HS3ST4: variants seen among roughly 807,000 people sequenced by gnomAD.
HS3ST4 encodes heparan sulfate glucosamine 3-O-sulfotransferase 4.
A neutral mutation model predicts 29.2 loss-of-function variants in HS3ST4; 17 were observed. That is an observed-to-expected ratio of 0.58 (90% CI 0.40 to 0.87). The LOEUF (loss-of-function observed/expected upper bound fraction) is 0.87, where lower values mean the gene tolerates loss of function less well. Among genes scored for constraint, HS3ST4 ranks in the 40% least tolerant of loss-of-function variants. The probability of loss-of-function intolerance (pLI) is 0.00; values close to 1 mark genes in which losing one functional copy is unlikely to be tolerated. For missense variants in HS3ST4, 627 were observed against 634.5 expected (o/e 0.99, Z 0.13); for synonymous variants, 314 against 285.7 (o/e 1.10, Z -1.00).
chr16:25,701,833 G>A (rs1020729367), intron 1 of HS3ST4, among the ~76,000 whole-genome samples: 28 of 152,128 alleles, frequency 1.8e-4, no homozygotes, highest in Non-Finnish European at 3.4e-4. Context: ...TGACAGAATG[G>A]GATTTATTCT....
At chr16:25,840,346 G>T (rs906399299) in intron 1 of HS3ST4, among the ~76,000 whole-genome samples, 1 of 152,296 alleles carries the variant, frequency 6.6e-6, no homozygotes, top group Admixed American at 6.5e-5. Flanking sequence ...ATTTTGAGAC[G>T]CAACTACTAC....
At chr16:26,080,986 A>G (rs1329911458) in intron 1 of HS3ST4, among the ~76,000 whole-genome samples, 1 of 152,154 alleles carries the variant, frequency 6.6e-6, no homozygotes, top group Non-Finnish European at 1.5e-5. Flanking sequence ...AGCCTTACTG[A>G]GTCAAAATCT....
At chr16:25,724,112 C>CA (rs56115380) in intron 1 of HS3ST4, among the ~76,000 whole-genome samples, 2,322 of 77,076 alleles carry the variant, frequency 0.03, 92 homozygotes, top group African/African-American at 0.09. Context: ...GACTCCATCT[C>CA]AAAAAAAAAA....
chr16:26,101,214 A>G (rs937294706), intron 1 of HS3ST4, among the ~76,000 whole-genome samples: 13 of 144,784 alleles, frequency 9.0e-5, no homozygotes, highest in South Asian at 2.3e-4. Context: ...TCCATCTCCA[A>G]TCCATTTCAC....
chr16:25,761,280 G>T (rs1416485778), intron 1 of HS3ST4, among the ~76,000 whole-genome samples: 3 of 152,180 alleles, frequency 2.0e-5, no homozygotes, highest in Non-Finnish European at 2.9e-5. Flanking sequence ...TGCTCAATAG[G>T]ACATTCTGTG....
rs1436569155 is a variant in HS3ST4, at chr16:26,135,602, C to A, written c.735-10C>A. On this transcript the variant is annotated splice_polypyrimidine_tract_variant and intron_variant, in intron 1 of 1. Coordinates refer to ENST00000331351, the MANE Select transcript of HS3ST4 (RefSeq NM_006040.3). ...ATAACCATTCTCTTCCTTTTTCCTC[C>A]CTCTCCTAGAAATGTGATGCCCAAG... is the stretch of plus-strand genomic sequence containing the variant. 1.3e-6 allele frequency: 2 copies of A among 1,563,844 alleles called. No individual in the cohort carries two copies. Among genetic ancestry groups the A allele is most frequent in the African/African-American group, 2.8e-5 (2 of 72,710 alleles).
intron 1 of HS3ST4, among the ~76,000 whole-genome samples, chr16:26,018,712 G>C (rs1969383488): frequency 6.6e-6 from 1 of 152,010 alleles, no homozygotes; most frequent in Admixed American, 6.6e-5. Context: ...GATCCTGGAG[G>C]CAAATTGGGT....
chr16:26,047,716 C>A (rs1434289316), intron 1 of HS3ST4, among the ~76,000 whole-genome samples: 1 of 152,122 alleles, frequency 6.6e-6, no homozygotes, highest in Non-Finnish European at 1.5e-5. Flanking sequence ...ATTTTAATTC[C>A]TTGTACTTAA....
chr16:25,976,452 C>T (rs116962390), intron 1 of HS3ST4, among the ~76,000 whole-genome samples: 5,690 of 152,268 alleles, frequency 0.037, 133 homozygotes, highest in Middle Eastern at 0.085. Flanking sequence ...ACTACAGATG[C>T]GTACCACCAT....
At chr16:25,846,327 T>C (rs541608346) in intron 1 of HS3ST4, among the ~76,000 whole-genome samples, 40 of 152,308 alleles carry the variant, frequency 2.6e-4, no homozygotes, top group African/African-American at 9.4e-4. Context: ...ATTTGTTAAA[T>C]TGTGTTTTGT....
chr16:25,979,455 T>G (rs1968980528), intron 1 of HS3ST4, among the ~76,000 whole-genome samples: 1 of 152,140 alleles, frequency 6.6e-6, no homozygotes, highest in East Asian at 1.9e-4. Flanking sequence ...AGCAGAGGCA[T>G]TAGATTCTCA....
intron 1 of HS3ST4, among the ~76,000 whole-genome samples, chr16:26,064,728 C>T (rs1202439117): frequency 6.7e-6 from 1 of 150,190 alleles, no homozygotes; most frequent in East Asian, 2.0e-4. Context: ...AGTGATTCTC[C>T]TGCCTCAGCC....
intron 1 of HS3ST4, among the ~76,000 whole-genome samples, chr16:25,707,421 G>C (rs750305287): frequency 6.6e-6 from 1 of 152,074 alleles, no homozygotes; most frequent in Non-Finnish European, 1.5e-5. Flanking sequence ...AGCTATGTAT[G>C]TATAGGAAAT....
chr16:25,831,521 A>T (rs534481552), intron 1 of HS3ST4, among the ~76,000 whole-genome samples: 2 of 151,912 alleles, frequency 1.3e-5, no homozygotes, highest in Middle Eastern at 6.8e-3. Context: ...AGCCCTGGAG[A>T]TTGAGGCTGC....
chr16:26,053,459 A>G (rs1295929825), intron 1 of HS3ST4, among the ~76,000 whole-genome samples: 1 of 152,248 alleles, frequency 6.6e-6, no homozygotes, highest in Non-Finnish European at 1.5e-5. Context: ...AGCAGTTCCT[A>G]TGATGATGTG....
intron 1 of HS3ST4, among the ~76,000 whole-genome samples, chr16:26,115,660 A>G (rs1482192903): frequency 6.6e-5 from 10 of 152,138 alleles, no homozygotes; most frequent in Admixed American, 6.5e-4. Context: ...CTGAGAAGAT[A>G]CCCAGAGAGG....
intron 1 of HS3ST4, among the ~76,000 whole-genome samples, chr16:25,742,749 A>G (rs1465418799): frequency 6.6e-6 from 1 of 152,188 alleles, no homozygotes; most frequent in African/African-American, 2.4e-5. Context: ...TGCATGGTTC[A>G]TGGGTTGAGC....
intron 1 of HS3ST4, among the ~76,000 whole-genome samples, chr16:25,727,405 A>G (rs1197304436): frequency 1.3e-5 from 2 of 152,212 alleles, no homozygotes; most frequent in East Asian, 1.9e-4. Flanking sequence ...CATCCTTTAC[A>G]CCATGAATTT....
chr16:26,036,630 A>G (rs1969585864), intron 1 of HS3ST4, among the ~76,000 whole-genome samples: 1 of 152,056 alleles, frequency 6.6e-6, no homozygotes, highest in Non-Finnish European at 1.5e-5. Flanking sequence ...TTTTTTTCCT[A>G]TGCATTCCAT....
Sources: allele counts gnomAD v4.1 joint callset (sites outside exome capture counted in the v4.1 genomes callset), GRCh38; gene constraint gnomAD v4.1.1; transcripts MANE v1.5; gene names NCBI Gene and HGNC (gene_info 2026-07-23, HGNC 2026-07-21).